The following ANKRD44 variants were observed in gnomAD, a reference collection of about 807,000 sequenced individuals.
ANKRD44 encodes ankyrin repeat domain 44.
In ANKRD44, 35 loss-of-function variants were observed where a neutral mutation model predicts 116.0. That is an observed-to-expected ratio of 0.30 (90% confidence interval 0.23 to 0.40). The LOEUF (loss-of-function observed/expected upper bound fraction) is 0.40. Among genes scored for constraint, ANKRD44 ranks in the 10% least tolerant of loss-of-function variants. ANKRD44 has a pLI of 1.00. For missense variants in ANKRD44, 1,014 were observed against 1,242.6 expected (o/e 0.82, Z 2.77); for synonymous variants, 435 against 461.8 (o/e 0.94, Z 0.74).
intron 1 of ANKRD44, among the ~76,000 whole-genome samples, chr2:197,258,244 G>A (rs1367224915): frequency 1.4e-5 from 2 of 147,056 alleles, no homozygotes; most frequent in African/African-American, 5.1e-5. Flanking sequence ...GTGATTACAG[G>A]CATGTGCCGC....
chr2:197,064,001 A>G (rs1283931848), intron 16 of ANKRD44, among the ~76,000 whole-genome samples: 1 of 152,200 alleles, frequency 6.6e-6, no homozygotes, highest in Non-Finnish European at 1.5e-5. Context: ...CATAATTGTC[A>G]GATTCACCAA....
intron 1 of ANKRD44, chr2:197,263,003 C>A: frequency 4.4e-6 from 1 of 227,776 alleles, no homozygotes; most frequent in Non-Finnish European, 8.9e-6. Flanking sequence ...TATCATATTG[C>A]ATGATATGCT....
intron 17 of ANKRD44, among the ~76,000 whole-genome samples, chr2:197,024,979 T>C (rs2076564160): frequency 6.6e-6 from 1 of 152,330 alleles, no homozygotes; most frequent in East Asian, 1.9e-4. Flanking sequence ...AAACTGAGGC[T>C]CAAGACAGGG....
chr2:197,086,569 TC>T (rs1559050926), intron 13 of ANKRD44, 110 bp downstream of exon 13: 1 of 953,116 alleles, frequency 1.0e-6, no homozygotes, highest in Non-Finnish European at 1.6e-6. Flanking sequence ...GAGGATGGAA[TC>T]CCCCCAGCTA....
In ANKRD44 at chr2:197,310,584, G is replaced by C. The variant is rs964026479; in HGVS notation, c.21C>G (p.Thr7=). 95 of 1,261,234 alleles carry C rather than the reference G, an allele frequency of 7.5e-5. No homozygotes were observed. Among genetic ancestry groups the C allele is most frequent in the Non-Finnish European group, 9.5e-5 (93 of 977,584 alleles). The allele number at this position is 1,261,234 out of a possible 1,614,324, so 78.1% of individuals were successfully genotyped here. A position where few individuals can be genotyped will look rare whatever the true frequency, so the allele number is the denominator to read the frequency against. The change falls in exon 1 of 28, where the codon ACC becomes ACG. Residue 7 remains threonine, a synonymous_variant. Coordinates refer to ENST00000282272, the MANE Select transcript of ANKRD44 (RefSeq NM_001195144.2). ...CGGCGCCGCCGCCCGCTACCTGGTC[G>C]GTGAGTTTGAGCACTGCCATTCTTC... The part of the protein sequence containing the change: MAVLKL[T]DQPPLVQAIF...
At chr2:196,979,348 A>T (rs1574211979) in intron 21 of ANKRD44, among the ~76,000 whole-genome samples, 1 of 139,316 alleles carries the variant, frequency 7.2e-6, no homozygotes, top group Admixed American at 7.9e-5. Context: ...GCGCCACTGC[A>T]CTCCAGCCTA....
intron 1 of ANKRD44, among the ~76,000 whole-genome samples, chr2:197,228,497 G>A (rs913621222): frequency 2.6e-5 from 4 of 152,188 alleles, no homozygotes; most frequent in Admixed American, 1.3e-4. Flanking sequence ...CTTTGAGTAA[G>A]ATCAGGTAGA....
intron 1 of ANKRD44, among the ~76,000 whole-genome samples, chr2:197,237,402 C>T (rs1489311052): frequency 2.0e-5 from 3 of 152,210 alleles, no homozygotes; most frequent in Non-Finnish European, 2.9e-5. Context: ...TTCAGCAATA[C>T]TTTTCTCAAG....
At chr2:197,263,554 C>A in intron 1 of ANKRD44, 1 of 304,610 alleles carries the variant, frequency 3.3e-6, no homozygotes, top group East Asian at 7.7e-5. Context: ...TCTCCACCTC[C>A]CATATTTCTT....
chr2:197,291,101 T>TAGG (rs2083557396), intron 1 of ANKRD44, among the ~76,000 whole-genome samples: 2 of 152,182 alleles, frequency 1.3e-5, no homozygotes, highest in Admixed American at 6.5e-5. Flanking sequence ...CCTAGCTACT[T>TAGG]AGGAGGCTGA....
In ANKRD44 at chr2:196,998,895, A is replaced by G. The variant is rs914777562; in HGVS notation, c.2665+12T>C. On this transcript the variant is annotated intron_variant, in intron 24 of 27. Coordinates refer to ENST00000282272, the MANE Select transcript of ANKRD44 (RefSeq NM_001195144.2). ...TGGGCATAAGGGCAAAGTCCATACAACAAGCACATACCCACAGCGCCTGCC... is the reference window on the plus strand; with the variant it reads ...TGGGCATAAGGGCAAAGTCCATACAGCAAGCACATACCCACAGCGCCTGCC... 6.2e-7 allele frequency: 1 copy of G among 1,612,982 alleles called. No individual in the cohort carries two copies. Among genetic ancestry groups the G allele is most frequent in the Non-Finnish European group, 8.5e-7 (1 of 1,179,628 alleles).
At chr2:197,244,435 T>C (rs906751333) in intron 1 of ANKRD44, among the ~76,000 whole-genome samples, 48 of 152,220 alleles carry the variant, frequency 3.2e-4, no homozygotes, top group African/African-American at 1.1e-3. Flanking sequence ...TATTTTTTGT[T>C]TACCTTCCTG....
At chr2:197,098,689 C>T (rs1352451055) in intron 10 of ANKRD44, among the ~76,000 whole-genome samples, 1 of 152,094 alleles carries the variant, frequency 6.6e-6, no homozygotes, top group Non-Finnish European at 1.5e-5. Context: ...TTTTAATAAC[C>T]TTAGGAGGTG....
intron 1 of ANKRD44, among the ~76,000 whole-genome samples, chr2:197,229,234 G>GA (rs2081797690): frequency 6.6e-6 from 1 of 152,192 alleles, no homozygotes. Context: ...AATATTCTCT[G>GA]AAAGTGCTAG....
Position 197,102,451 on chromosome 2 carries a change from T to A in ANKRD44, c.986-2521A>T, listed in dbSNP as rs541011255. On this transcript the variant is annotated intron_variant, in intron 9 of 27. Transcript: ENST00000282272. ...CTAACCAGCACAGTATGAGAGGCAC[T>A]TTTCCTTATAGCCTTGTCAAGCTTT... Among the ~76,000 whole-genome samples, 286 of 152,318 alleles carry A rather than the reference T, an allele frequency of 1.9e-3. 1 individual carries two copies. The highest frequency in any genetic ancestry group is 6.8e-3 in the African/African-American group (282 of 41,570).
chr2:197,062,777 G>A (rs905087688), intron 16 of ANKRD44, among the ~76,000 whole-genome samples: 14 of 152,172 alleles, frequency 9.2e-5, no homozygotes, highest in Admixed American at 5.2e-4. Flanking sequence ...GGGGAGGGGC[G>A]CCTGCCATTA....
chr2:197,280,118 G>T (rs1403513498), intron 1 of ANKRD44, among the ~76,000 whole-genome samples: 1 of 152,182 alleles, frequency 6.6e-6, no homozygotes, highest in East Asian at 1.9e-4. Flanking sequence ...TGTCCCTACT[G>T]CTGTCACATA....
At chr2:197,004,809 C>T (rs187828694) in intron 21 of ANKRD44, among the ~76,000 whole-genome samples, 13 of 152,214 alleles carry the variant, frequency 8.5e-5, no homozygotes, top group Admixed American at 8.5e-4. Flanking sequence ...TGGACATGCA[C>T]ATTGCTGCAT....
At chr2:197,111,477 A>C (rs969756036) in intron 8 of ANKRD44, among the ~76,000 whole-genome samples, 3 of 152,122 alleles carry the variant, frequency 2.0e-5, no homozygotes, top group African/African-American at 7.2e-5. Flanking sequence ...CATCTCTACC[A>C]AAAATACAAA....
Sources: gnomAD v4.1 joint callset for allele counts (sites outside exome capture counted in the v4.1 genomes callset) on GRCh38, gnomAD v4.1.1 for gene constraint, MANE v1.5 for transcripts, NCBI Gene and HGNC (gene_info 2026-07-23, HGNC 2026-07-21) for gene names.